The following GLS variants were observed in gnomAD, a reference collection of about 807,000 sequenced individuals.
GLS encodes the protein glutaminase kidney isoform, mitochondrial.
A neutral mutation model predicts 86.7 loss-of-function variants in GLS; 36 were observed. That is an observed-to-expected ratio of 0.42 (90% confidence interval 0.32 to 0.55). GLS has a LOEUF of 0.55. Ranked by LOEUF, GLS falls within the 20% of genes least tolerant of loss-of-function variation. The pLI, the probability that GLS is intolerant of heterozygous loss-of-function variation, is 0.17. For missense variants in GLS, 528 were observed against 833.4 expected, an observed-to-expected ratio of 0.63 and a Z score of 4.51; for synonymous variants, 317 against 305.9, an observed-to-expected ratio of 1.04 and a Z score of -0.38.
At chr2:190,888,345 T>C (rs1157625081) in intron 1 of GLS, among the ~76,000 whole-genome samples, 1 of 152,226 alleles carries the variant, frequency 6.6e-6, no homozygotes, top group African/African-American at 2.4e-5. Flanking sequence ...TTTAAAACTA[T>C]GCTTGATATA....
chr2:190,908,081 G>A (rs1574581323), intron 6 of GLS, among the ~76,000 whole-genome samples: 1 of 152,112 alleles, frequency 6.6e-6, no homozygotes, highest in East Asian at 1.9e-4. Flanking sequence ...ATCCTCAATG[G>A]GCACTGCACA....
rs1217563047 is a variant in GLS at position 190,880,871 on chromosome 2, GCGCAGC to G, written c.-213_-208del. 5 of 704,438 alleles carry G rather than the reference GCGCAGC, an allele frequency of 7.1e-6. No individual in the cohort carries two copies. The highest frequency in any genetic ancestry group is 1.2e-5 in the Non-Finnish European group (5 of 424,118). 43.6% of individuals were successfully genotyped at this position (704,438 alleles called of 1,614,324 possible). A position where few individuals can be genotyped will look rare whatever the true frequency, so the allele number is the denominator to read the frequency against. On this transcript the variant is annotated 5_prime_UTR_variant, in exon 1 of 18. Coordinates refer to ENST00000320717, the MANE Select transcript of GLS (RefSeq NM_014905.5). The stretch of plus-strand genomic sequence containing the variant: ...GAGAACCGGTCGCGGCAATCCTAGC[GCGCAGC>G]AGCAGCAGCAGCAGCAGCAGCAGCA...
chr2:190,926,493 T>G (rs1435807913), intron 11 of GLS, among the ~76,000 whole-genome samples: 1 of 152,208 alleles, frequency 6.6e-6, no homozygotes, highest in Non-Finnish European at 1.5e-5. Context: ...TTGAACTCAT[T>G]CTTCTCCTAT....
intron 1 of GLS, among the ~76,000 whole-genome samples, chr2:190,888,065 T>TC (rs1047428084): frequency 5.9e-5 from 9 of 152,000 alleles, no homozygotes; most frequent in African/African-American, 1.9e-4. Flanking sequence ...TTTTAAGATT[T>TC]CCCCCCCATT....
At chr2:190,944,729 A>G (rs1690537647) in intron 14 of GLS, among the ~76,000 whole-genome samples, 2 of 152,088 alleles carry the variant, frequency 1.3e-5, no homozygotes, top group African/African-American at 4.8e-5. Context: ...GAAGTTATTT[A>G]TTTGCTGCCA....
intron 14 of GLS, among the ~76,000 whole-genome samples, chr2:190,936,492 T>A (rs1320253046): frequency 6.6e-6 from 1 of 151,128 alleles, no homozygotes; most frequent in Non-Finnish European, 1.5e-5. Context: ...TGTTCCAAGC[T>A]TTGACACAAA....
rs1033491435 is a variant in GLS, at chr2:190,949,324, G to A, written c.1651-4241G>A. Among the ~76,000 whole-genome samples, 1 of 152,110 alleles carries A rather than the reference G, an allele frequency of 6.6e-6. No individual in the cohort carries two copies. Among genetic ancestry groups the A allele is most frequent in the Non-Finnish European group, 1.5e-5 (1 of 67,996 alleles). ...GAAGTATGTGGAGAGGTTTTGGAGG[G>A]TGGAAGAAGGACCAGAAGCAGAGGC... On this transcript the variant is annotated intron_variant, in intron 14 of 17. Transcript: ENST00000320717. The surrounding 1 kb of genome is among the most constrained non-coding windows in gnomAD (Gnocchi z 4.0).
chr2:190,894,722 G>T (rs1038403243), intron 1 of GLS, among the ~76,000 whole-genome samples: 1 of 152,126 alleles, frequency 6.6e-6, no homozygotes, highest in African/African-American at 2.4e-5. Context: ...TTATAATCAG[G>T]TTAACTATTT....
chr2:190,956,644 T>A lies in GLS; in HGVS notation c.1853+1826T>A, dbSNP rs145025828. Among the ~76,000 whole-genome samples the A allele has an allele frequency of 0.014, 2,159 of 152,302 alleles. 52 individuals carry two copies. Among genetic ancestry groups the A allele is most frequent in the African/African-American group, 0.049 (2,050 of 41,564 alleles). ...TTTTTTTCTAATTCTGTGAAGAAAG[T>A]CAATGGTAGCTTTATGGGGATAGCA... is the stretch of plus-strand genomic sequence containing the variant. On this transcript the variant is annotated intron_variant, in intron 17 of 17. Transcript: ENST00000320717. This position sits in a 1 kb window ranked among gnomAD's most constrained non-coding sequence, Gnocchi z 4.2.
At chr2:190,890,539 A>G (rs996643818) in intron 1 of GLS, among the ~76,000 whole-genome samples, 1 of 152,228 alleles carries the variant, frequency 6.6e-6, no homozygotes, top group South Asian at 2.1e-4. Flanking sequence ...GAATTTGTCA[A>G]TTTGTTAGAC....
Position 190,955,044 on chromosome 2 carries a change from A to G in GLS, c.1853+226A>G, listed in dbSNP as rs1020749451. Among the ~76,000 whole-genome samples the G allele has an allele frequency of 3.3e-5, 5 of 152,282 alleles. No individual in the cohort carries two copies. In the East Asian group the frequency reaches 7.7e-4, roughly 23 times the overall value. ...TAGAAATTTTCAGGTTGATTTGACC[A>G]TTAGTCAATACACTGTATGAACAAA... On this transcript the variant is annotated intron_variant, in intron 17 of 17. Transcript: ENST00000320717. The surrounding 1 kb of genome is among the most constrained non-coding windows in gnomAD (Gnocchi z 5.6).
At chr2:190,946,572 G>A (rs1311066935) in intron 14 of GLS, among the ~76,000 whole-genome samples, 5 of 151,832 alleles carry the variant, frequency 3.3e-5, no homozygotes, top group African/African-American at 1.2e-4. Flanking sequence ...AGAAACTAAA[G>A]ATGAAAAACA....
rs748433746 is a variant in GLS, at chr2:190,895,215, A to G, written c.450A>G (p.Gly150=). 16 of 1,531,572 alleles carry G rather than the reference A, an allele frequency of 1.0e-5. No homozygotes were observed. The Admixed American group carries it at 2.7e-4, about 26-fold the overall frequency. The allele number at this position is 1,531,572 out of a possible 1,614,324, so 94.9% of individuals were successfully genotyped here. A position where few individuals can be genotyped will look rare whatever the true frequency, so the allele number is the denominator to read the frequency against. Residue 150 remains glycine, a synonymous_variant, in exon 2 of 18, where the codon GGA becomes GGG. Transcript: ENST00000320717. This position sits in a 1 kb window ranked among gnomAD's most constrained non-coding sequence, Gnocchi z 4.2. ...TGCTGTTCTATACAATTGCTGAAGG[A>G]CAAGAGAAAATACCTGTTCATAAAT... is the stretch of plus-strand genomic sequence containing the variant. The part of the protein sequence containing the change: ...EDLLFYTIAE[G]QEKIPVHKFI...
chr2:190,881,288 C>T lies in GLS; in HGVS notation c.204C>T (p.Leu68=). 1 of 1,344,574 alleles carries T rather than the reference C, an allele frequency of 7.4e-7. No homozygotes were observed. The allele number at this position is 1,344,574 out of a possible 1,614,324, so 83.3% of individuals were successfully genotyped here. Reference sequence around the variant, plus strand: ...GGGGCGGCTGGCCGGCGGAGCCCCTCGCGCGGGGCCTGTCCAGCTCTCCTT... The same window carrying T: ...GGGGCGGCTGGCCGGCGGAGCCCCTTGCGCGGGGCCTGTCCAGCTCTCCTT... ...WGGGGWPAEP[L]ARGLSSSPSE... Residue 68 remains leucine (L), a synonymous_variant, in exon 1 of 18, where the codon CTC becomes CTT. Transcript: ENST00000320717.
intron 14 of GLS, among the ~76,000 whole-genome samples, chr2:190,944,952 T>G (rs1332806127): frequency 6.6e-6 from 1 of 152,246 alleles, no homozygotes; most frequent in Non-Finnish European, 1.5e-5. Context: ...TCTCTGATTT[T>G]TCTATAAATT....
intron 7 of GLS, among the ~76,000 whole-genome samples, chr2:190,911,400 G>A (rs1209114796): frequency 6.6e-6 from 1 of 152,024 alleles, no homozygotes; most frequent in Non-Finnish European, 1.5e-5. Context: ...GTTACTTCAA[G>A]GCAAATTCTT....
At position 190,905,347 on chromosome 2, in the gene GLS, A is replaced by G; in HGVS notation, c.979+180A>G. ...ATGATTATTTTAGGCATCTCATACC[A>G]CTGGGAAGTGGGCTAGGGAGAACAT... On this transcript the variant is annotated intron_variant, in intron 6 of 17. Transcript: ENST00000320717. The surrounding 1 kb of genome is among the most constrained non-coding windows in gnomAD (Gnocchi z 4.6). 1.9e-6 allele frequency: 1 copy of G among 526,322 alleles called. No homozygotes were observed. The highest frequency in any genetic ancestry group is 3.4e-6 in the Non-Finnish European group (1 of 297,476). 32.6% of individuals were successfully genotyped at this position (526,322 alleles called of 1,614,324 possible). A position where few individuals can be genotyped will look rare whatever the true frequency, so the allele number is the denominator to read the frequency against.
rs1209579567 is a variant in GLS at position 190,880,918 on chromosome 2, G to GCAGCAGCAC, written c.-165_-164insGCAGCACCA. The GCAGCAGCAC allele has an allele frequency of 4.5e-5, 40 of 882,476 alleles. 2 individuals carry two copies. Among genetic ancestry groups the GCAGCAGCAC allele is most frequent in the South Asian group, 1.3e-4 (9 of 68,678 alleles). The allele number at this position is 882,476 out of a possible 1,614,324, so 54.7% of individuals were successfully genotyped here. A position where few individuals can be genotyped will look rare whatever the true frequency, so the allele number is the denominator to read the frequency against. ...AGCAGCAGCAGCAGCAGCAGCAGCA[G>GCAGCAGCAC]CACCCGCATCCGCTGCGGGAGTCCG... On this transcript the variant is annotated 5_prime_UTR_variant, in exon 1 of 18. Transcript: ENST00000320717.
Position 190,935,536 on chromosome 2 carries a change from T to C in GLS, c.1650+3899T>C, listed in dbSNP as rs938222139. 6.6e-6 allele frequency among the ~76,000 whole-genome samples: 1 copy of C among 151,372 alleles called. No individual in the cohort carries two copies. The highest frequency in any genetic ancestry group is 2.4e-5 in the African/African-American group (1 of 41,408). ...GGAGGAGGACTTTTCTTATTGGTTGTACTAGAAGTATTTGAATAAAAACTT... is the reference window on the plus strand; with the variant it reads ...GGAGGAGGACTTTTCTTATTGGTTGCACTAGAAGTATTTGAATAAAAACTT... On this transcript the variant is annotated intron_variant, in intron 14 of 17. Coordinates refer to ENST00000320717, the MANE Select transcript of GLS (RefSeq NM_014905.5). The surrounding 1 kb of genome is among the most constrained non-coding windows in gnomAD (Gnocchi z 4.2).
Sources: gnomAD v4.1 joint callset for allele counts (sites outside exome capture counted in the v4.1 genomes callset) on GRCh38, gnomAD v4.1.1 for gene constraint, Gnocchi (gnomAD v3.1) non-coding constraint, MANE v1.5 for transcripts, NCBI Gene and HGNC (gene_info 2026-07-23, HGNC 2026-07-21) for gene names.